SMARCC1: variants seen among roughly 807,000 people sequenced by gnomAD.
SMARCC1 encodes the protein SWI/SNF related BAF chromatin remodeling complex subunit C1.
SMARCC1 carries 43 observed loss-of-function variants against 147.4 expected under a neutral mutation model. The ratio of observed to expected loss-of-function variants is 0.29; its 90% CI spans 0.23 to 0.38. The LOEUF (loss-of-function observed/expected upper bound fraction) is 0.38, where lower values mean the gene tolerates loss of function less well. Among genes scored for constraint, SMARCC1 ranks in the 10% least tolerant of loss-of-function variants. SMARCC1 has a pLI of 1.00. For synonymous variants in SMARCC1, 495 were observed against 484.4 expected, an observed-to-expected ratio of 1.02 and a Z score of -0.29; for missense variants, 1,119 against 1,381.1, an observed-to-expected ratio of 0.81 and a Z score of 3.01.
At chr3:47,707,805 G>A (rs192391362) in intron 9 of SMARCC1, among the ~76,000 whole-genome samples, 14 of 152,244 alleles carry the variant, frequency 9.2e-5, no homozygotes, top group East Asian at 7.7e-4. Context: ...CTTGTGCTCC[G>A]AAGGTCAAGG....
chr3:47,627,918 T>C (rs2032835668), intron 24 of SMARCC1, among the ~76,000 whole-genome samples: 1 of 152,016 alleles, frequency 6.6e-6, no homozygotes, highest in African/African-American at 2.4e-5. Flanking sequence ...AGACATGATC[T>C]CTCTCTGTTG....
intron 21 of SMARCC1, among the ~76,000 whole-genome samples, chr3:47,653,953 A>G (rs1217386104): frequency 6.6e-6 from 1 of 152,194 alleles, no homozygotes; most frequent in South Asian, 2.1e-4. Context: ...TCCACAAACC[A>G]TAAATTCACT....
At chr3:47,758,380 CA>C (rs71070227) in intron 2 of SMARCC1, among the ~76,000 whole-genome samples, 159 of 120,678 alleles carry the variant, frequency 1.3e-3, no homozygotes, top group Middle Eastern at 4.3e-3. Context: ...TTCAGCCTCG[CA>C]AAAAAAAAAA....
chr3:47,633,779 T>TGTACACAC (rs1553676858), intron 24 of SMARCC1, among the ~76,000 whole-genome samples: 1 of 28,864 alleles, frequency 3.5e-5, no homozygotes. Context: ...TATATATATA[T>TGTACACAC]ACACACACAC....
chr3:47,708,083 C>CTTTTTTTCTTTTTTTTTTTTTTT (rs1559650534), intron 9 of SMARCC1, among the ~76,000 whole-genome samples: 1 of 64,270 alleles, frequency 1.6e-5, no homozygotes, highest in South Asian at 5.5e-4. Flanking sequence ...AATTTTTTTT[C>CTTTTTTTCTTTTTTTTTTTTTTT]TTTTTTTTTT....
At chr3:47,746,035 T>C in intron 2 of SMARCC1, 42 bp from the exon 3 acceptor site, 2 of 1,288,102 alleles carry the variant, frequency 1.6e-6, no homozygotes, top group Non-Finnish European at 2.2e-6. Flanking sequence ...ATAAAGCTTC[T>C]GACAAAATTA....
intron 25 of SMARCC1, among the ~76,000 whole-genome samples, chr3:47,614,613 A>T (rs1576387981): frequency 6.6e-6 from 1 of 152,068 alleles, no homozygotes; most frequent in South Asian, 2.1e-4. Context: ...TTGAAATTCC[A>T]CCCAGAACTT....
At position 47,749,736 on chromosome 3, in the gene SMARCC1, C is replaced by CAGAGAGAGAGAG. The variant is rs71070224; in HGVS notation, c.316-3755_316-3744dup. ...AAACACACACACACAGAGAAAGAGA[C>CAGAGAGAGAGAG]AGAGAGAGAGAGAGAGAGAGAGAGA... On this transcript the variant is annotated intron_variant, in intron 2 of 27. Coordinates refer to ENST00000254480, the MANE Select transcript of SMARCC1 (RefSeq NM_003074.4). Among the ~76,000 whole-genome samples the CAGAGAGAGAGAG allele has an allele frequency of 2.3e-4, 25 of 110,858 alleles. 1 individual carries two copies. Among genetic ancestry groups the CAGAGAGAGAGAG allele is most frequent in the South Asian group, 7.0e-4 (2 of 2,858 alleles). The allele number at this position is 110,858 out of a possible 152,430, so 72.7% of individuals were successfully genotyped here.
chr3:47,687,812 G>C (rs1224856434), intron 13 of SMARCC1, among the ~76,000 whole-genome samples: 1 of 152,146 alleles, frequency 6.6e-6, no homozygotes, highest in Non-Finnish European at 1.5e-5. Context: ...ACCCAGGCTA[G>C]AGCACAGTGG....
chr3:47,607,938 A>G (rs894724547), intron 26 of SMARCC1, among the ~76,000 whole-genome samples: 1 of 152,184 alleles, frequency 6.6e-6, no homozygotes, highest in Non-Finnish European at 1.5e-5. Context: ...ACAAAATATT[A>G]AAAAATTTAT....
intron 2 of SMARCC1, among the ~76,000 whole-genome samples, chr3:47,770,561 C>T (rs1345580588): frequency 6.6e-6 from 1 of 151,826 alleles, no homozygotes. Flanking sequence ...AAGCAGAGGT[C>T]GTGGTGAGCT....
At chr3:47,612,428 T>C (rs2032576760) in intron 25 of SMARCC1, among the ~76,000 whole-genome samples, 1 of 152,228 alleles carries the variant, frequency 6.6e-6, no homozygotes, top group Non-Finnish European at 1.5e-5. Flanking sequence ...GGTCAAGATA[T>C]GCTTTATAAG....
intron 24 of SMARCC1, among the ~76,000 whole-genome samples, chr3:47,631,868 C>G (rs2032895978): frequency 6.6e-6 from 1 of 152,050 alleles, no homozygotes; most frequent in Non-Finnish European, 1.5e-5. Context: ...CCCTAATTAC[C>G]ATGTAGTATG....
At chr3:47,732,130 C>A (rs1360969555) in intron 5 of SMARCC1, among the ~76,000 whole-genome samples, 2 of 152,214 alleles carry the variant, frequency 1.3e-5, no homozygotes, top group Non-Finnish European at 2.9e-5. Flanking sequence ...TTAGCACTTG[C>A]TGCTTCAACT....
chr3:47,588,081 G>A lies in SMARCC1; in HGVS notation c.*128C>T, dbSNP rs570810944. On this transcript the variant is annotated 3_prime_UTR_variant, in exon 28 of 28. Transcript: ENST00000254480. ...GGTGGTAAGAGGAGTGGGGAGGCAC[G>A]GGACACGTGCTTGGAGCTGTGAGAA... The A allele has an allele frequency of 2.4e-5, 17 of 715,292 alleles. No homozygotes were observed. Among genetic ancestry groups the A allele is most frequent in the African/African-American group, 1.8e-4 (10 of 55,740 alleles). The allele number at this position is 715,292 out of a possible 1,614,324, so 44.3% of individuals were successfully genotyped here.
chr3:47,717,478 C>A (rs2034169786), intron 7 of SMARCC1, among the ~76,000 whole-genome samples: 1 of 152,176 alleles, frequency 6.6e-6, no homozygotes, highest in Non-Finnish European at 1.5e-5. Context: ...ACCAACTAAT[C>A]CCAACAGGTA....
intron 13 of SMARCC1, among the ~76,000 whole-genome samples, chr3:47,688,337 A>G (rs1471448865): frequency 6.6e-6 from 1 of 151,718 alleles, no homozygotes; most frequent in African/African-American, 2.4e-5. Flanking sequence ...TAAGAACAAT[A>G]CAGGTGAAGA....
chr3:47,598,975 C>T (rs1164568865), intron 26 of SMARCC1, among the ~76,000 whole-genome samples: 3 of 151,846 alleles, frequency 2.0e-5, no homozygotes, highest in Admixed American at 1.3e-4. Flanking sequence ...TGCAAGCCAC[C>T]GGAAGTTGGA....
At chr3:47,690,193 T>C (rs1176115552) in intron 12 of SMARCC1, among the ~76,000 whole-genome samples, 1 of 151,900 alleles carries the variant, frequency 6.6e-6, no homozygotes, top group African/African-American at 2.4e-5. Flanking sequence ...TTGTCTCTTA[T>C]TAAAAAAAAG....
Sources: allele counts gnomAD v4.1 joint callset (sites outside exome capture counted in the v4.1 genomes callset), GRCh38; gene constraint gnomAD v4.1.1; transcripts MANE v1.5; gene names NCBI Gene and HGNC (gene_info 2026-07-23, HGNC 2026-07-21).